The following CATSPER3 variants were observed in gnomAD, a reference collection of about 807,000 sequenced individuals.
CATSPER3 encodes the protein cation channel sperm associated 3, also known as cation channel sperm-associated protein 3.
CATSPER3 carries 23 observed loss-of-function variants against 36.6 expected under a neutral mutation model. The ratio of observed to expected loss-of-function variants is 0.63; its 90% CI spans 0.45 to 0.89. CATSPER3 has a LOEUF of 0.89. Among genes scored for constraint, CATSPER3 ranks in the 40% least tolerant of loss-of-function variants. CATSPER3 has a pLI of 0.00. For missense variants in CATSPER3, 474 were observed against 503.9 expected (o/e 0.94, Z 0.57); for synonymous variants, 172 against 184.1 (o/e 0.93, Z 0.53).
At chr5:135,008,199 T>G in intron 4 of CATSPER3, 60 bp downstream of exon 4, 3 of 1,400,294 alleles carry the variant, frequency 2.1e-6, no homozygotes, top group Non-Finnish European at 3.0e-6. Flanking sequence ...GCCTAGGTGG[T>G]GCAAGCGTGT....
chr5:135,000,610 TC>T (rs1440135525), intron 3 of CATSPER3, among the ~76,000 whole-genome samples: 2 of 152,222 alleles, frequency 1.3e-5, no homozygotes, highest in East Asian at 3.8e-4. Flanking sequence ...CTGTTATTGG[TC>T]TATTCAGGGA....
chr5:134,972,334 G>A (rs534295827), intron 2 of CATSPER3, among the ~76,000 whole-genome samples: 4 of 152,180 alleles, frequency 2.6e-5, no homozygotes, highest in African/African-American at 4.8e-5. Flanking sequence ...TACTTAACCC[G>A]TAGATAATGA....
intron 3 of CATSPER3, among the ~76,000 whole-genome samples, chr5:134,996,917 C>G (rs1262202448): frequency 2.6e-5 from 4 of 152,236 alleles, no homozygotes; most frequent in Non-Finnish European, 4.4e-5. Context: ...CTGCTTTCCC[C>G]AAACAGCTGA....
intron 2 of CATSPER3, among the ~76,000 whole-genome samples, chr5:134,977,992 A>G (rs182291131): frequency 1.3e-5 from 2 of 152,292 alleles, no homozygotes; most frequent in African/African-American, 2.4e-5. Flanking sequence ...CTTATCACCA[A>G]TGGAATGGTG....
chr5:135,011,182 C>T (rs1198927634), intron 7 of CATSPER3, among the ~76,000 whole-genome samples: 1 of 152,176 alleles, frequency 6.6e-6, no homozygotes, highest in African/African-American at 2.4e-5. Flanking sequence ...GCTTGGAGGG[C>T]TTTAGAGATG....
intron 3 of CATSPER3, among the ~76,000 whole-genome samples, chr5:135,000,073 G>A (rs552596135): frequency 6.6e-6 from 1 of 152,290 alleles, no homozygotes; most frequent in Admixed American, 6.5e-5. Context: ...ATTATTTTGA[G>A]ATACGTCCCA....
intron 2 of CATSPER3, among the ~76,000 whole-genome samples, chr5:134,989,398 T>C (rs764609938): frequency 7.9e-5 from 12 of 152,244 alleles, no homozygotes; most frequent in Non-Finnish European, 1.6e-4. Flanking sequence ...CAGATATAAG[T>C]CTTTTTTATC....
At position 134,968,268 on chromosome 5, in the gene CATSPER3, G is replaced by A. The variant is rs148462115; in HGVS notation, c.98+179G>A. 1.1e-4 allele frequency: 71 copies of A among 620,452 alleles called. No homozygotes were observed. In the African/African-American group the frequency reaches 1.2e-3, roughly 11 times the overall value. 38.4% of individuals were successfully genotyped at this position (620,452 alleles called of 1,614,324 possible). On this transcript the variant is annotated intron_variant, in intron 1 of 7. Transcript: ENST00000282611. ...GAGGCTGGCATGCTATTACCTTTAT[G>A]TGCCCTGTAGACTTGAATGACCAGT... is the stretch of plus-strand genomic sequence containing the variant.
At chr5:134,999,341 A>G (rs184790981) in intron 3 of CATSPER3, among the ~76,000 whole-genome samples, 20,349 of 152,056 alleles carry the variant, frequency 0.13, 3,921 homozygotes, top group African/African-American at 0.43. Context: ...GTCAGGTAGC[A>G]TGATGCCTCC....
At chr5:134,970,568 ATTTTTTT>A (rs35264342) in intron 2 of CATSPER3, among the ~76,000 whole-genome samples, 2 of 124,234 alleles carry the variant, frequency 1.6e-5, no homozygotes, top group South Asian at 2.6e-4. Context: ...GACATGGTGG[ATTTTTTT>A]TTTTTTTTTT....
chr5:135,002,153 G>A (rs1158208797), intron 3 of CATSPER3, among the ~76,000 whole-genome samples: 2 of 152,186 alleles, frequency 1.3e-5, no homozygotes, highest in East Asian at 3.8e-4. Flanking sequence ...TTTAGGGGAG[G>A]CCTGGTGGTG....
chr5:135,008,127 C>T lies in CATSPER3; in HGVS notation c.663C>T (p.Phe221=). The T allele has an allele frequency of 6.2e-7, 1 of 1,613,982 alleles. No homozygotes were observed. The highest frequency in any genetic ancestry group is 1.7e-4 in the Middle Eastern group (1 of 6,060). The change falls in exon 4 of 8, where the codon TTC becomes TTT. Residue 221 remains phenylalanine, a synonymous_variant. Transcript: ENST00000282611. ...GNLAAAFFTL[F]SLATVDGWTD... is the part of the protein sequence containing the mutation. Reference sequence around the variant, plus strand: ...TGGCTGCAGCTTTTTTCACCCTCTTCAGCTTGGCCACGGTACTGTGTTTGG... The same window carrying T: ...TGGCTGCAGCTTTTTTCACCCTCTTTAGCTTGGCCACGGTACTGTGTTTGG...
chr5:134,971,513 C>T (rs1323110082), intron 2 of CATSPER3, among the ~76,000 whole-genome samples: 2 of 152,014 alleles, frequency 1.3e-5, no homozygotes, highest in Non-Finnish European at 2.9e-5. Flanking sequence ...TTCCTTACTA[C>T]AAGCCGTAAG....
chr5:135,005,283 C>G (rs569993985), intron 3 of CATSPER3, among the ~76,000 whole-genome samples: 4 of 152,256 alleles, frequency 2.6e-5, no homozygotes, highest in African/African-American at 9.6e-5. Flanking sequence ...AGCCTTTGGC[C>G]CTTGCAGGCA....
intron 2 of CATSPER3, among the ~76,000 whole-genome samples, chr5:134,995,026 T>A: frequency 6.6e-6 from 1 of 151,626 alleles, no homozygotes. Context: ...TCTCTCTTTT[T>A]CCTTCCTTCC....
Position 135,011,583 on chromosome 5 carries a change from A to C in CATSPER3, c.1157A>C (p.Gln386Pro), listed in dbSNP as rs148364127. ...VLSLMLEDLP[Q>P]EKPQSLEKVD... ...AGCCTAATGCTGGAAGACTTGCCCC[A>C]GGAGAAGCCCCAGTCCTTGGAAAAG... The change falls in exon 8 of 8, where the codon CAG becomes CCG. Residue 386 changes from glutamine (Q) to proline (P), a missense_variant. Physicochemically the swap from Gln to Pro is moderately conservative, Grantham distance 76. Coordinates refer to ENST00000282611, the MANE Select transcript of CATSPER3 (RefSeq NM_178019.3). The C allele has an allele frequency of 7.1e-5, 114 of 1,614,078 alleles. No individual in the cohort carries two copies. In the African/African-American group the frequency reaches 1.3e-3, roughly 18 times the overall value.
intron 5 of CATSPER3, 134 bp from the exon 6 acceptor site, chr5:135,009,237 G>T (rs919434980): frequency 2.9e-6 from 3 of 1,041,366 alleles, no homozygotes; most frequent in African/African-American, 3.1e-5. Flanking sequence ...CAGCTTGAGT[G>T]GCGGCTGGCC....
intron 2 of CATSPER3, among the ~76,000 whole-genome samples, chr5:134,974,141 A>C (rs1751639149): frequency 6.6e-6 from 1 of 152,210 alleles, no homozygotes; most frequent in Non-Finnish European, 1.5e-5. Context: ...CAGCACCTCT[A>C]ATCTTGCCAA....
intron 2 of CATSPER3, among the ~76,000 whole-genome samples, chr5:134,971,709 A>G (rs1751609450): frequency 6.6e-6 from 1 of 152,194 alleles, no homozygotes; most frequent in African/African-American, 2.4e-5. Flanking sequence ...GATGGTGTGA[A>G]CTTTCAAAGC....
Sources: allele counts gnomAD v4.1 joint callset (sites outside exome capture counted in the v4.1 genomes callset), GRCh38; gene constraint gnomAD v4.1.1; transcripts MANE v1.5; gene names NCBI Gene and HGNC (gene_info 2026-07-23, HGNC 2026-07-21).